PRKG1: variants seen among roughly 807,000 people sequenced by gnomAD.
PRKG1 encodes cGMP-dependent protein kinase 1.
A neutral mutation model predicts 88.1 loss-of-function variants in PRKG1; 35 were observed. The observed-to-expected ratio is 0.40, with a 90% CI of 0.30 to 0.53. The LOEUF (loss-of-function observed/expected upper bound fraction) is 0.53, where lower values mean the gene tolerates loss of function less well. PRKG1 is among the 20% of genes least tolerant of loss of function. The pLI, the probability that PRKG1 is intolerant of heterozygous loss-of-function variation, is 0.59. For synonymous variants in PRKG1, 303 were observed against 292.5 expected, an observed-to-expected ratio of 1.04 and a Z score of -0.37; for missense variants, 540 against 839.8, an observed-to-expected ratio of 0.64 and a Z score of 4.41.
chr10:51,567,130 A>T (rs1421505476), intron 3 of PRKG1, among the ~76,000 whole-genome samples: 1 of 152,090 alleles, frequency 6.6e-6, no homozygotes, highest in African/African-American at 2.4e-5. Context: ...TAACTTGAGG[A>T]TTCAACTCAA....
In PRKG1 at chr10:51,690,884, C is replaced by T. The variant is rs369040732; in HGVS notation, c.593-113701C>T. 9.1e-5 allele frequency among the ~76,000 whole-genome samples: 13 copies of T among 143,412 alleles called. No individual in the cohort carries two copies. The East Asian group carries it at 2.0e-3, about 22-fold the overall frequency. The allele number at this position is 143,412 out of a possible 152,430, so 94.1% of individuals were successfully genotyped here. ...GAGGTTGCAGTGAGCCAAGATTGCA[C>T]CACTACACCCCCCAGCCTGGCGACA... On this transcript the variant is annotated intron_variant, in intron 3 of 17. Transcript: ENST00000373980.
intron 2 of PRKG1, among the ~76,000 whole-genome samples, chr10:51,263,937 A>G (rs542749797): frequency 6.6e-6 from 1 of 152,352 alleles, no homozygotes; most frequent in East Asian, 1.9e-4. Flanking sequence ...ATATATTATA[A>G]TTTGAATCAG....
At chr10:51,606,402 GT>G (rs1272654421) in intron 3 of PRKG1, among the ~76,000 whole-genome samples, 1 of 152,108 alleles carries the variant, frequency 6.6e-6, no homozygotes, top group African/African-American at 2.4e-5. Flanking sequence ...GTTTTTAGGT[GT>G]TTTCCTTTGC....
intron 5 of PRKG1, among the ~76,000 whole-genome samples, chr10:51,934,262 C>T (rs545188286): frequency 2.0e-5 from 3 of 151,178 alleles, no homozygotes; most frequent in Admixed American, 2.0e-4. Context: ...ATACCCCCCC[C>T]CCAACACCGC....
intron 9 of PRKG1, among the ~76,000 whole-genome samples, chr10:52,221,682 T>C (rs914911840): frequency 7.2e-5 from 11 of 152,234 alleles, no homozygotes; most frequent in Non-Finnish European, 1.2e-4. Context: ...TAACATCAGA[T>C]ATTTTTTACT....
At chr10:51,529,587 G>A (rs1841965568) in intron 3 of PRKG1, among the ~76,000 whole-genome samples, 1 of 151,974 alleles carries the variant, frequency 6.6e-6, no homozygotes, top group Non-Finnish European at 1.5e-5. Context: ...GTCTTTGCAT[G>A]GCAAATCACT....
chr10:52,037,400 G>A (rs968631776), intron 5 of PRKG1, among the ~76,000 whole-genome samples: 3 of 152,210 alleles, frequency 2.0e-5, no homozygotes, highest in African/African-American at 7.2e-5. Context: ...ATCCTGTTGT[G>A]GGGTTTGAGG....
At chr10:51,913,447 A>G (rs1002180497) in intron 5 of PRKG1, among the ~76,000 whole-genome samples, 47 of 152,218 alleles carry the variant, frequency 3.1e-4, no homozygotes, top group African/African-American at 1.1e-3. Context: ...GCTGTCACTT[A>G]TAAGTGAGAA....
At chr10:51,062,189 G>A (rs1843699351) in intron 1 of PRKG1, among the ~76,000 whole-genome samples, 1 of 152,178 alleles carries the variant, frequency 6.6e-6, no homozygotes, top group Non-Finnish European at 1.5e-5. Flanking sequence ...GTCTTATTGA[G>A]TACATGGTTA....
intron 5 of PRKG1, among the ~76,000 whole-genome samples, chr10:52,033,981 GC>G (rs71032616): frequency 0.69 from 103,489 of 149,280 alleles, 36,659 homozygotes; most frequent in Middle Eastern, 0.77. Flanking sequence ...CAGTGGGGGT[GC>G]TTTTTGAGCC....
chr10:51,371,303 GA>G (rs1343201689), intron 2 of PRKG1, among the ~76,000 whole-genome samples: 2 of 151,938 alleles, frequency 1.3e-5, no homozygotes, highest in African/African-American at 2.4e-5. Context: ...TTGGGAGGTT[GA>G]TCGGGGGAGG....
chr10:51,281,437 G>C (rs1386479690), intron 2 of PRKG1, among the ~76,000 whole-genome samples: 1 of 152,144 alleles, frequency 6.6e-6, no homozygotes, highest in Non-Finnish European at 1.5e-5. Flanking sequence ...TGGCTCAGAG[G>C]GTCCCATGCC....
At chr10:51,488,911 C>T (rs1840624489) in intron 3 of PRKG1, among the ~76,000 whole-genome samples, 2 of 152,122 alleles carry the variant, frequency 1.3e-5, no homozygotes, top group Middle Eastern at 6.8e-3. Context: ...CTCTTGTTTC[C>T]ATCTCAGACA....
At chr10:52,000,834 A>G (rs1220419284) in intron 5 of PRKG1, among the ~76,000 whole-genome samples, 2 of 152,086 alleles carry the variant, frequency 1.3e-5, no homozygotes, top group African/African-American at 4.8e-5. Flanking sequence ...TCCAGCTACT[A>G]ATCACTTCAA....
intron 2 of PRKG1, among the ~76,000 whole-genome samples, chr10:51,371,675 A>G (rs1402024575): frequency 2.0e-5 from 3 of 152,188 alleles, no homozygotes; most frequent in Admixed American, 2.0e-4. Flanking sequence ...TTACTTAAGT[A>G]TCTCATTCTT....
intron 2 of PRKG1, among the ~76,000 whole-genome samples, chr10:51,305,708 G>C (rs4935238): frequency 0.23 from 34,408 of 151,940 alleles, 4,356 homozygotes; most frequent in African/African-American, 0.33. Context: ...TTTTTCCTCT[G>C]CTCCAGCTTT....
intron 1 of PRKG1, among the ~76,000 whole-genome samples, chr10:51,149,908 A>G (rs570698981): frequency 3.3e-5 from 5 of 152,214 alleles, no homozygotes; most frequent in Admixed American, 3.3e-4. Context: ...ATACCAGCAT[A>G]TCATTATATA....
chr10:51,511,683 C>T (rs761800885), intron 3 of PRKG1, among the ~76,000 whole-genome samples: 10 of 152,138 alleles, frequency 6.6e-5, no homozygotes, highest in Admixed American at 2.0e-4. Flanking sequence ...CTGGCTCTAC[C>T]AACTGCTGGT....
intron 3 of PRKG1, chr10:51,697,813 C>G: frequency 1.2e-6 from 2 of 1,614,168 alleles, no homozygotes; most frequent in Non-Finnish European, 1.7e-6. Flanking sequence ...CCTGCATGAT[C>G]AAAGCTGCCT....
Sources: allele counts gnomAD v4.1 joint callset (sites outside exome capture counted in the v4.1 genomes callset), GRCh38; gene constraint gnomAD v4.1.1; transcripts MANE v1.5; gene names NCBI Gene and HGNC (gene_info 2026-07-23, HGNC 2026-07-21).